The following MSRA variants were observed in gnomAD, a reference collection of about 807,000 sequenced individuals.
MSRA encodes methionine sulfoxide reductase A.
In MSRA, 54 loss-of-function variants were observed where a neutral mutation model predicts 31.3. The observed-to-expected ratio is 1.73, with a 90% confidence interval of 1.39 to 2.17. The LOEUF (loss-of-function observed/expected upper bound fraction) is 2.17, where lower values mean the gene tolerates loss of function less well. MSRA is among the 30% of genes most tolerant of loss of function. MSRA has a pLI of 0.00. For missense variants in MSRA, 507 were observed against 300.9 expected, an observed-to-expected ratio of 1.69 and a Z score of -5.07; for synonymous variants, 169 against 116.5, an observed-to-expected ratio of 1.45 and a Z score of -2.90.
chr8:10,324,971 C>G lies in MSRA; in HGVS notation c.543+4982C>G, dbSNP rs569818539. 6.8e-4 allele frequency among the ~76,000 whole-genome samples: 103 copies of G among 152,236 alleles called. 1 individual carries two copies. Among genetic ancestry groups the G allele is most frequent in the Middle Eastern group, 3.4e-3 (1 of 294 alleles). Reference sequence around the variant, plus strand: ...GAGGCAAGAGACAAGAGGCACATGGCGTTGAGTGTAAGATTGGGCAATGCA... The same window carrying G: ...GAGGCAAGAGACAAGAGGCACATGGGGTTGAGTGTAAGATTGGGCAATGCA... On this transcript the variant is annotated intron_variant, in intron 5 of 5. Transcript: ENST00000317173.
chr8:10,123,855 T>C (rs942223589), intron 1 of MSRA, among the ~76,000 whole-genome samples: 2 of 151,958 alleles, frequency 1.3e-5, no homozygotes, highest in African/African-American at 4.8e-5. Context: ...CATTGGTCTA[T>C]GCTTTTTTTT....
intron 1 of MSRA, among the ~76,000 whole-genome samples, chr8:10,168,254 A>C (rs1183677214): frequency 6.6e-6 from 1 of 152,204 alleles, no homozygotes; most frequent in Non-Finnish European, 1.5e-5. Context: ...TTACTTTATT[A>C]ATAATCTTGG....
chr8:10,081,401 T>TGA (rs1187055108), intron 1 of MSRA, among the ~76,000 whole-genome samples: 7 of 152,214 alleles, frequency 4.6e-5, no homozygotes, highest in Admixed American at 1.3e-4. Context: ...AGTGTGTGTG[T>TGA]GACTCGGGGA....
At chr8:10,314,660 C>T (rs1385946915) in intron 4 of MSRA, among the ~76,000 whole-genome samples, 1 of 152,130 alleles carries the variant, frequency 6.6e-6, no homozygotes, top group Non-Finnish European at 1.5e-5. Context: ...GGTATGTACT[C>T]AAGAGAAACT....
Position 10,184,660 on chromosome 8 carries a change from A to G in MSRA, c.143-23173A>G, listed in dbSNP as rs112092742. Among the ~76,000 whole-genome samples, 404 of 152,270 alleles carry G rather than the reference A, an allele frequency of 2.7e-3. 2 individuals are homozygous for G. The highest frequency in any genetic ancestry group is 9.3e-3 in the African/African-American group (385 of 41,550). On this transcript the variant is annotated intron_variant, in intron 1 of 5. Coordinates refer to ENST00000317173, the MANE Select transcript of MSRA (RefSeq NM_012331.5). ...CTGATGCATTCAGCTTGCCTCGTCC[A>G]TCTCCCCATTTGTTTTCACTGATCT...
chr8:10,328,207 C>T (rs1399811142), intron 5 of MSRA, among the ~76,000 whole-genome samples: 1 of 150,898 alleles, frequency 6.6e-6, no homozygotes. Flanking sequence ...TATTGCCACC[C>T]CCTGTAAACA....
At chr8:10,264,534 AG>A (rs1798645644) in intron 3 of MSRA, among the ~76,000 whole-genome samples, 2 of 152,202 alleles carry the variant, frequency 1.3e-5, no homozygotes, top group African/African-American at 4.8e-5. Flanking sequence ...CAGTGCTGCC[AG>A]GCAAAGCTGC....
At chr8:10,196,241 G>T (rs1164187448) in intron 1 of MSRA, among the ~76,000 whole-genome samples, 1 of 152,226 alleles carries the variant, frequency 6.6e-6, no homozygotes, top group Admixed American at 6.5e-5. Flanking sequence ...AGAAACGTGT[G>T]CCACCTTCTC....
At chr8:10,302,491 G>C (rs950273189) in intron 4 of MSRA, among the ~76,000 whole-genome samples, 1 of 152,220 alleles carries the variant, frequency 6.6e-6, no homozygotes, top group Non-Finnish European at 1.5e-5. Flanking sequence ...TGGATATGCA[G>C]TGTTATTTCT....
chr8:10,228,369 G>A (rs1426357730), intron 2 of MSRA, among the ~76,000 whole-genome samples: 2 of 152,158 alleles, frequency 1.3e-5, no homozygotes, highest in Non-Finnish European at 2.9e-5. Flanking sequence ...CTGACTCTAC[G>A]TGTACTTTAT....
intron 1 of MSRA, among the ~76,000 whole-genome samples, chr8:10,185,541 C>T (rs1230558687): frequency 6.6e-6 from 1 of 151,946 alleles, no homozygotes; most frequent in African/African-American, 2.4e-5. Flanking sequence ...TCTGGTGGGC[C>T]GAGGAATGCT....
chr8:10,307,716 C>T (rs903285064), intron 4 of MSRA, among the ~76,000 whole-genome samples: 2 of 152,154 alleles, frequency 1.3e-5, no homozygotes, highest in African/African-American at 4.8e-5. Context: ...CCAAGCCTTC[C>T]CAGAGGACTG....
At chr8:10,191,772 A>G (rs531155735) in intron 1 of MSRA, among the ~76,000 whole-genome samples, 1 of 151,274 alleles carries the variant, frequency 6.6e-6, no homozygotes, top group East Asian at 1.9e-4. Flanking sequence ...TTTTTGGCTT[A>G]TGTCATTAGT....
intron 1 of MSRA, 106 bp downstream of exon 1, chr8:10,054,764 G>C (rs1802220436): frequency 7.9e-6 from 10 of 1,259,804 alleles, no homozygotes; most frequent in South Asian, 2.5e-5. Flanking sequence ...GGCTGGCCTC[G>C]GGCGGGTCGC....
At chr8:10,293,053 T>G (rs996537083) in intron 3 of MSRA, among the ~76,000 whole-genome samples, 3 of 152,174 alleles carry the variant, frequency 2.0e-5, no homozygotes, top group Non-Finnish European at 2.9e-5. Flanking sequence ...CCGTCCCTCG[T>G]GAGCTCTGAG....
chr8:10,069,373 G>C (rs1277942658), intron 1 of MSRA, among the ~76,000 whole-genome samples: 1 of 152,106 alleles, frequency 6.6e-6, no homozygotes, highest in African/African-American at 2.4e-5. Context: ...TCTACTTTTA[G>C]GTATGATATT....
At chr8:10,182,587 G>A (rs1806639059) in intron 1 of MSRA, among the ~76,000 whole-genome samples, 1 of 152,106 alleles carries the variant, frequency 6.6e-6, no homozygotes, top group African/African-American at 2.4e-5. Flanking sequence ...TATTTATTGT[G>A]GGCACATAGT....
chr8:10,174,337 G>A (rs561085367), intron 1 of MSRA, among the ~76,000 whole-genome samples: 1 of 152,266 alleles, frequency 6.6e-6, no homozygotes, highest in Admixed American at 6.5e-5. Flanking sequence ...TGGCGTGCAG[G>A]TGAGCGAAGG....
intron 5 of MSRA, among the ~76,000 whole-genome samples, chr8:10,339,025 G>A (rs577096868): frequency 5.9e-5 from 9 of 152,310 alleles, no homozygotes; most frequent in Non-Finnish European, 7.3e-5. Context: ...GAAAGATCTG[G>A]CATTTTATTC....
Sources: allele counts gnomAD v4.1 joint callset (sites outside exome capture counted in the v4.1 genomes callset), GRCh38; gene constraint gnomAD v4.1.1; transcripts MANE v1.5; gene names NCBI Gene and HGNC (gene_info 2026-07-23, HGNC 2026-07-21).